Variants in CLASP1 observed in about 807,000 individuals in gnomAD.
The protein encoded by CLASP1 is cytoplasmic linker associated protein 1.
A neutral mutation model predicts 192.3 loss-of-function variants in CLASP1; 38 were observed. The ratio of observed to expected loss-of-function variants is 0.20; its 90% CI spans 0.15 to 0.26. The LOEUF is 0.26. Among genes scored for constraint, CLASP1 ranks in the 10% least tolerant of loss-of-function variants. The probability of loss-of-function intolerance (pLI) is 1.00; values close to 1 mark genes in which losing one functional copy is unlikely to be tolerated. For missense variants in CLASP1, 1,433 were observed against 1,932.5 expected, an observed-to-expected ratio of 0.74 and a Z score of 4.85; for synonymous variants, 691 against 712.8, an observed-to-expected ratio of 0.97 and a Z score of 0.49.
At chr2:121,474,902 A>G (rs1475842190) in intron 8 of CLASP1, among the ~76,000 whole-genome samples, 1 of 152,220 alleles carries the variant, frequency 6.6e-6, no homozygotes, top group East Asian at 1.9e-4. Flanking sequence ...CTATAGGGAT[A>G]GTGAGAAGGA....
intron 2 of CLASP1, chr2:121,530,927 G>GA (rs1553615600): frequency 4.3e-6 from 3 of 699,834 alleles, no homozygotes; most frequent in Non-Finnish European, 7.8e-6. Context: ...AGCGCATAGT[G>GA]AGGGCAGTAC....
At chr2:121,509,846 GT>G (rs1177419269) in intron 7 of CLASP1, among the ~76,000 whole-genome samples, 1 of 151,828 alleles carries the variant, frequency 6.6e-6, no homozygotes, top group East Asian at 1.9e-4. Flanking sequence ...TCAAAAAAAT[GT>G]TTTTAATTTA....
At chr2:121,371,894 C>T (rs1558922997) in intron 34 of CLASP1, among the ~76,000 whole-genome samples, 1 of 152,204 alleles carries the variant, frequency 6.6e-6, no homozygotes, top group Non-Finnish European at 1.5e-5. Flanking sequence ...CCTTATTTCT[C>T]TCCAGTTTGT....
At chr2:121,518,687 G>A (rs978302490) in intron 6 of CLASP1, among the ~76,000 whole-genome samples, 3 of 151,454 alleles carry the variant, frequency 2.0e-5, no homozygotes, top group Non-Finnish European at 2.9e-5. Context: ...GGCCAACATG[G>A]TGAAACCCCG....
chr2:121,377,439 A>G (rs2070510935), intron 34 of CLASP1, 60 bp downstream of exon 35: 1 of 1,198,812 alleles, frequency 8.3e-7, no homozygotes, highest in South Asian at 1.4e-5. Flanking sequence ...CAGTGTTCAG[A>G]AGTCTCATTA....
At chr2:121,623,793 A>G (rs2067813222) in intron 1 of CLASP1, among the ~76,000 whole-genome samples, 1 of 152,202 alleles carries the variant, frequency 6.6e-6, no homozygotes, top group South Asian at 2.1e-4. Flanking sequence ...CGCTGCAGTG[A>G]GCCAACATCA....
chr2:121,411,644 T>C (rs1272527838), intron 23 of CLASP1, among the ~76,000 whole-genome samples: 1 of 152,178 alleles, frequency 6.6e-6, no homozygotes, highest in Non-Finnish European at 1.5e-5. Context: ...TGGCAATTTT[T>C]ATACAGATAA....
intron 8 of CLASP1, among the ~76,000 whole-genome samples, chr2:121,486,270 T>C (rs146203936): frequency 6.6e-6 from 1 of 152,300 alleles, no homozygotes; most frequent in African/African-American, 2.4e-5. Context: ...GTGGGCATAT[T>C]CTGACTTACA....
At chr2:121,446,651 G>A (rs779599532) in intron 19 of CLASP1, among the ~76,000 whole-genome samples, 2 of 152,156 alleles carry the variant, frequency 1.3e-5, no homozygotes, top group African/African-American at 2.4e-5. Flanking sequence ...CACACAGTAC[G>A]TGTTAAGCAA....
At chr2:121,571,194 T>C (rs2059940680) in intron 2 of CLASP1, among the ~76,000 whole-genome samples, 2 of 152,048 alleles carry the variant, frequency 1.3e-5, no homozygotes, top group Non-Finnish European at 1.5e-5. Context: ...TTTTTTCTTT[T>C]GGGATGGGTC....
At position 121,527,894 on chromosome 2, in the gene CLASP1, C is replaced by A. The variant is rs766497500; in HGVS notation, c.379-4G>T. 9.9e-6 allele frequency: 16 copies of A among 1,611,320 alleles called. No homozygotes were observed. The East Asian group carries it at 3.1e-4, about 31-fold the overall frequency. ...CAAGCATTCTGTCCCATACGTACTG[C>A]AGATGACAAAGAACAGGTGAGGAAA... On this transcript the variant is annotated splice_polypyrimidine_tract_variant and splice_region_variant and intron_variant, in intron 4 of 39. Coordinates refer to ENST00000263710, the Ensembl canonical transcript of CLASP1.
chr2:121,584,275 A>G (rs1254489833), intron 2 of CLASP1, among the ~76,000 whole-genome samples: 2 of 152,116 alleles, frequency 1.3e-5, no homozygotes, highest in African/African-American at 4.8e-5. Flanking sequence ...TAAATCACCC[A>G]GTCTGTGGTT....
At chr2:121,596,799 C>A (rs1223307722) in intron 2 of CLASP1, among the ~76,000 whole-genome samples, 1 of 152,210 alleles carries the variant, frequency 6.6e-6, no homozygotes, top group Non-Finnish European at 1.5e-5. Context: ...CTCCGCATGA[C>A]AGAATTTATA....
chr2:121,619,037 A>AG (rs2066907998), intron 1 of CLASP1, among the ~76,000 whole-genome samples: 1 of 152,240 alleles, frequency 6.6e-6, no homozygotes, highest in Non-Finnish European at 1.5e-5. Context: ...ATTCTGCAGT[A>AG]GGGAAAAAAT....
chr2:121,510,868 T>C (rs1007431298), intron 7 of CLASP1, among the ~76,000 whole-genome samples: 1 of 151,774 alleles, frequency 6.6e-6, no homozygotes, highest in Non-Finnish European at 1.5e-5. Flanking sequence ...AATGAATGAA[T>C]GAACCAAGAA....
chr2:121,392,733 T>C (rs1320276331), intron 30 of CLASP1, among the ~76,000 whole-genome samples: 1 of 152,238 alleles, frequency 6.6e-6, no homozygotes, highest in Non-Finnish European at 1.5e-5. Context: ...ACTATTATCT[T>C]ACATCAACAC....
chr2:121,433,314 T>G (rs1045420726), intron 19 of CLASP1, among the ~76,000 whole-genome samples: 1 of 147,542 alleles, frequency 6.8e-6, no homozygotes, highest in Admixed American at 6.8e-5. Flanking sequence ...AGCAAAACCC[T>G]GTCTAAAAAA....
chr2:121,625,579 C>G (rs1037752502), intron 1 of CLASP1, among the ~76,000 whole-genome samples: 1 of 151,816 alleles, frequency 6.6e-6, no homozygotes, highest in African/African-American at 2.4e-5. Flanking sequence ...GGATTACAGG[C>G]ACCCGCCACC....
At chr2:121,615,783 C>CA (rs35278434) in intron 1 of CLASP1, among the ~76,000 whole-genome samples, 51 of 150,776 alleles carry the variant, frequency 3.4e-4, no homozygotes, top group Non-Finnish European at 4.9e-4. Context: ...GACTCTGTCT[C>CA]AAAAAAAATA....
Sources: gnomAD v4.1 joint callset for allele counts (sites outside exome capture counted in the v4.1 genomes callset) on GRCh38, gnomAD v4.1.1 for gene constraint, MANE v1.5 for transcripts, NCBI Gene and HGNC (gene_info 2026-07-23, HGNC 2026-07-21) for gene names.